The following METTL15 variants were observed in gnomAD, a reference collection of about 807,000 sequenced individuals.
METTL15 encodes the protein 12S rRNA N(4)-cytidine methyltransferase METTL15.
In METTL15, 34 loss-of-function variants were observed where a neutral mutation model predicts 38.3. The ratio of observed to expected loss-of-function variants is 0.89; its 90% CI spans 0.68 to 1.18. METTL15 has a LOEUF of 1.18. Among genes scored for constraint, METTL15 ranks in the 50% most tolerant of loss-of-function variants. METTL15 has a pLI of 0.00. For synonymous variants in METTL15, 162 were observed against 170.9 expected (o/e 0.95, Z 0.41); for missense variants, 438 against 498.4 (o/e 0.88, Z 1.15).
chr11:28,148,686 G>A (rs1160045483), intron 3 of METTL15, among the ~76,000 whole-genome samples: 8 of 151,830 alleles, frequency 5.3e-5, no homozygotes, highest in Non-Finnish European at 7.4e-5. Flanking sequence ...TTCCCCGATT[G>A]TCACAGTAGT....
chr11:28,232,249 G>A lies in METTL15; in HGVS notation c.407+21051G>A, dbSNP rs1374435716. 2.0e-5 allele frequency among the ~76,000 whole-genome samples: 3 copies of A among 151,694 alleles called. No individual in the cohort carries two copies. In the East Asian group the frequency reaches 5.8e-4, roughly 29 times the overall value. On this transcript the variant is annotated intron_variant, in intron 4 of 6. Coordinates refer to ENST00000407364, the MANE Select transcript of METTL15 (RefSeq NM_001113528.2). ...TATACCATATCCTATCTTCCAGTGG[G>A]CTCAAAATCCTTATTACTAGCTTTT...
chr11:28,255,118 G>A (rs1854918986), intron 4 of METTL15, among the ~76,000 whole-genome samples: 1 of 151,794 alleles, frequency 6.6e-6, no homozygotes, highest in South Asian at 2.1e-4. Context: ...TCCATTTTTT[G>A]TGTGTCCTCT....
chr11:28,313,501 T>C (rs1857376957), intron 6 of METTL15, among the ~76,000 whole-genome samples: 1 of 151,990 alleles, frequency 6.6e-6, no homozygotes, highest in Non-Finnish European at 1.5e-5. Context: ...ATTTTTCTAT[T>C]ATAAAAGTAT....
Position 28,477,926 on chromosome 11 carries a change from T to C in METTL15, c.*425-48552T>C, listed in dbSNP as rs1037620296. On this transcript the variant is annotated intron_variant and NMD_transcript_variant, in intron 6 of 7. Coordinates refer to the METTL15 transcript ENST00000532947. The stretch of plus-strand genomic sequence containing the variant: ...ATTTTCCTTTCCATTTTAGAATGCA[T>C]CCTCTGATAATTGATTCTATATAGA... 2.6e-5 allele frequency among the ~76,000 whole-genome samples: 4 copies of C among 152,316 alleles called. No homozygotes were observed. The East Asian group carries it at 7.7e-4, about 29-fold the overall frequency.
intron 3 of METTL15, chr11:28,124,022 T>C: frequency 1.9e-6 from 1 of 513,206 alleles, no homozygotes; most frequent in Non-Finnish European, 3.1e-6. Context: ...TGACTGTGCT[T>C]TTCATTAATA....
chr11:28,231,754 T>G (rs1853693747), intron 4 of METTL15, among the ~76,000 whole-genome samples: 1 of 151,926 alleles, frequency 6.6e-6, no homozygotes, highest in Non-Finnish European at 1.5e-5. Context: ...CTATTTTCTC[T>G]GCAAAATCAT....
intron 5 of METTL15, among the ~76,000 whole-genome samples, chr11:28,393,896 G>T (rs1850540099): frequency 6.6e-6 from 1 of 152,042 alleles, no homozygotes; most frequent in Non-Finnish European, 1.5e-5. Flanking sequence ...CCTCTAGGAA[G>T]CCTTCCTTTA....
chr11:28,342,298 C>A (rs1382288638), intron 3 of METTL15, among the ~76,000 whole-genome samples: 1 of 151,978 alleles, frequency 6.6e-6, no homozygotes, highest in African/African-American at 2.4e-5. Flanking sequence ...GGGTCTTGCT[C>A]TATTACCCAC....
chr11:28,467,088 G>T (rs1428793729), intron 6 of METTL15, among the ~76,000 whole-genome samples: 1 of 152,176 alleles, frequency 6.6e-6, no homozygotes, highest in Non-Finnish European at 1.5e-5. Flanking sequence ...CGTTTTAAAT[G>T]ATCATTAGCA....
intron 3 of METTL15, among the ~76,000 whole-genome samples, chr11:28,166,843 G>A (rs1295312788): frequency 1.3e-5 from 2 of 152,116 alleles, no homozygotes; most frequent in Admixed American, 6.6e-5. Flanking sequence ...CAGCTACTCC[G>A]GAGCCTGTGG....
intron 6 of METTL15, among the ~76,000 whole-genome samples, chr11:28,309,669 G>A (rs1408782957): frequency 1.3e-5 from 2 of 151,926 alleles, no homozygotes; most frequent in African/African-American, 2.4e-5. Context: ...TTTCTCTCTG[G>A]TTCTCGTTTA....
chr11:28,465,543 G>A (rs371750669), intron 6 of METTL15, among the ~76,000 whole-genome samples: 86 of 152,118 alleles, frequency 5.7e-4, no homozygotes, highest in African/African-American at 2.0e-3. Flanking sequence ...AATCTCTAAG[G>A]CTAAAACCCA....
chr11:28,326,370 T>G, intron 6 of METTL15, among the ~76,000 whole-genome samples: 1 of 152,094 alleles, frequency 6.6e-6, no homozygotes, highest in East Asian at 1.9e-4. Flanking sequence ...GATAACTCTG[T>G]TCCTTGTTCT....
intron 3 of METTL15, among the ~76,000 whole-genome samples, chr11:28,135,296 T>C (rs1261072927): frequency 6.6e-6 from 1 of 152,154 alleles, no homozygotes; most frequent in Non-Finnish European, 1.5e-5. Flanking sequence ...TCACATAGGC[T>C]TCTAAGTTGG....
intron 6 of METTL15, among the ~76,000 whole-genome samples, chr11:28,451,311 C>T (rs1221318362): frequency 2.0e-5 from 3 of 152,102 alleles, no homozygotes; most frequent in African/African-American, 7.2e-5. Context: ...ACAGGCAGGG[C>T]TCGGTGGTTC....
At chr11:28,498,593 A>G (rs977825472) in intron 6 of METTL15, among the ~76,000 whole-genome samples, 57 of 152,188 alleles carry the variant, frequency 3.7e-4, no homozygotes, top group African/African-American at 1.2e-3. Context: ...TCCTACCCCT[A>G]TTTGTCCTTT....
chr11:28,521,708 T>C (rs1851766942), intron 6 of METTL15, among the ~76,000 whole-genome samples: 1 of 152,010 alleles, frequency 6.6e-6, no homozygotes, highest in Admixed American at 6.6e-5. Context: ...GAAAGCAGAG[T>C]AGGGTCAGGG....
intron 3 of METTL15, among the ~76,000 whole-genome samples, chr11:28,351,126 T>A (rs1014829646): frequency 6.6e-6 from 1 of 152,170 alleles, no homozygotes; most frequent in Admixed American, 6.5e-5. Context: ...AAATTTTTTT[T>A]TTTTAAGATG....
At chr11:28,283,597 C>T (rs1357956364) in intron 4 of METTL15, among the ~76,000 whole-genome samples, 2 of 152,120 alleles carry the variant, frequency 1.3e-5, no homozygotes, top group Non-Finnish European at 2.9e-5. Context: ...GCACCTTAGT[C>T]GTTTATAGCA....
Sources: allele counts gnomAD v4.1 joint callset (sites outside exome capture counted in the v4.1 genomes callset), GRCh38; gene constraint gnomAD v4.1.1; transcripts MANE v1.5; gene names NCBI Gene and HGNC (gene_info 2026-07-23, HGNC 2026-07-21).